FLI1: variants seen among roughly 807,000 people sequenced by gnomAD.
The protein encoded by FLI1 is Friend leukemia integration 1 transcription factor.
A neutral mutation model predicts 53.1 loss-of-function variants in FLI1; 13 were observed. That is an observed-to-expected ratio of 0.24 (90% CI 0.16 to 0.39). The LOEUF is 0.39. FLI1 is among the 10% of genes least tolerant of loss of function. The probability of loss-of-function intolerance (pLI) is 1.00; values close to 1 mark genes in which losing one functional copy is unlikely to be tolerated. For missense variants in FLI1, 424 were observed against 600.5 expected, an observed-to-expected ratio of 0.71 and a Z score of 3.07; for synonymous variants, 244 against 236.7, an observed-to-expected ratio of 1.03 and a Z score of -0.28.
Position 128,702,001 on chromosome 11 carries a change from T to A in FLI1, c.18+7725T>A, listed in dbSNP as rs559521037. Among the ~76,000 whole-genome samples the A allele has an allele frequency of 6.6e-5, 10 of 152,332 alleles. No homozygotes were observed. In the East Asian group the frequency reaches 1.7e-3, roughly 26 times the overall value. On this transcript the variant is annotated intron_variant, in intron 1 of 8. Coordinates refer to ENST00000527786, the MANE Select transcript of FLI1 (RefSeq NM_002017.5). Reference sequence around the variant, plus strand: ...TGCAGTACCATTCATGTAGCAAAAGTGTGAAAACAAACAGGTTAATATTAG... The same window carrying A: ...TGCAGTACCATTCATGTAGCAAAAGAGTGAAAACAAACAGGTTAATATTAG...
At chr11:128,724,598 C>A (rs892070570) in intron 1 of FLI1, among the ~76,000 whole-genome samples, 2 of 152,174 alleles carry the variant, frequency 1.3e-5, no homozygotes, top group African/African-American at 2.4e-5. Flanking sequence ...AAAGAAAAAT[C>A]TATCCCAAGC....
rs192327110 is a variant in FLI1 at position 128,781,158 on chromosome 11, C to G, written c.590-800C>G. Among the ~76,000 whole-genome samples the G allele has an allele frequency of 1.9e-4, 29 of 152,334 alleles. No individual in the cohort carries two copies. The East Asian group carries it at 5.4e-3, about 28-fold the overall frequency. ...ATTACAGAAAATTCAACGCGTGACT[C>G]CTCAGGTTCAGTGCGTGCTCTTAGA... is the stretch of plus-strand genomic sequence containing the variant. On this transcript the variant is annotated intron_variant, in intron 4 of 8. Coordinates refer to ENST00000527786, the MANE Select transcript of FLI1 (RefSeq NM_002017.5).
At chr11:128,711,187 A>G (rs1261772641) in intron 1 of FLI1, among the ~76,000 whole-genome samples, 7 of 152,216 alleles carry the variant, frequency 4.6e-5, no homozygotes, top group Non-Finnish European at 1.0e-4. Context: ...TGATTAATCT[A>G]ATTAATTAAA....
chr11:128,799,052 A>ATTATTATTATTATTATTT (rs1555125698), intron 5 of FLI1, among the ~76,000 whole-genome samples: 9 of 140,444 alleles, frequency 6.4e-5, no homozygotes, highest in Non-Finnish European at 1.4e-4. Context: ...TATTATTATT[A>ATTATTATTATTATTATTT]TTTTGCTTTG....
chr11:128,799,201 C>T (rs998572543), intron 5 of FLI1, among the ~76,000 whole-genome samples: 1 of 151,932 alleles, frequency 6.6e-6, no homozygotes, highest in Non-Finnish European at 1.5e-5. Flanking sequence ...TGAGCCACCA[C>T]ACCCAGCCTG....
At chr11:128,805,764 T>C (rs1346561707) in intron 6 of FLI1, 3 of 228,552 alleles carry the variant, frequency 1.3e-5, no homozygotes, top group Non-Finnish European at 2.5e-5. Flanking sequence ...AATGACTCTC[T>C]ATAATTTTGC....
intron 5 of FLI1, among the ~76,000 whole-genome samples, chr11:128,784,251 C>T (rs1237069811): frequency 1.9e-5 from 2 of 107,986 alleles, no homozygotes; most frequent in East Asian, 7.1e-4. Flanking sequence ...CCTCCTCCTC[C>T]TCCTCCTCCT....
upstream of FLI1, among the ~76,000 whole-genome samples, chr11:128,685,363 G>A (rs1047965572): frequency 7.2e-5 from 11 of 152,206 alleles, no homozygotes; most frequent in African/African-American, 2.4e-4. Context: ...AGCAGGAAAG[G>A]GTGCCTAAGG....
chr11:128,761,642 C>T (rs1288698634), intron 2 of FLI1, among the ~76,000 whole-genome samples: 21 of 152,072 alleles, frequency 1.4e-4, no homozygotes, highest in African/African-American at 5.1e-4. Context: ...AAGTATGCTG[C>T]TCACCACTCC....
rs768437980 is a variant in FLI1, at chr11:128,712,500, G to A, written c.18+18224G>A. Among the ~76,000 whole-genome samples, 15 of 152,196 alleles carry A rather than the reference G, an allele frequency of 9.9e-5. 1 individual carries two copies. The South Asian group carries it at 1.7e-3, about 17-fold the overall frequency. On this transcript the variant is annotated intron_variant, in intron 1 of 8. Transcript: ENST00000527786. ...TCACATTGCTGGTAAAGATATACCC[G>A]AGATGGGGCAATTTATAAAAGAAAG...
intron 1 of FLI1, 23 bp from the exon 2 acceptor site, chr11:128,758,092 C>T (rs766451259): frequency 5.0e-6 from 8 of 1,596,598 alleles, no homozygotes; most frequent in Non-Finnish European, 6.8e-6. Flanking sequence ...ACTGGGCTTT[C>T]TGTCTCTTCT....
intron 1 of FLI1, among the ~76,000 whole-genome samples, chr11:128,755,125 G>A (rs1165753652): frequency 6.6e-6 from 1 of 152,112 alleles, no homozygotes; most frequent in East Asian, 1.9e-4. Context: ...CCTTGGCCAG[G>A]ACAATCCTGT....
chr11:128,692,091 T>A (rs1443639923), upstream of FLI1: 1 of 152,134 alleles, frequency 6.6e-6, no homozygotes, highest in African/African-American at 2.4e-5. Context: ...CTGAAAGCTC[T>A]GTTGTAGTTT....
intron 5 of FLI1, among the ~76,000 whole-genome samples, chr11:128,790,978 G>A (rs1047727370): frequency 5.3e-5 from 8 of 152,006 alleles, no homozygotes; most frequent in African/African-American, 1.9e-4. Flanking sequence ...GTTCAAAGGA[G>A]CCTGTCTTCT....
chr11:128,746,341 G>A (rs950060298), intron 1 of FLI1, among the ~76,000 whole-genome samples: 3 of 152,068 alleles, frequency 2.0e-5, no homozygotes, highest in Admixed American at 6.5e-5. Flanking sequence ...CCCAGGAATC[G>A]AAGAGACAAC....
intron 1 of FLI1, among the ~76,000 whole-genome samples, chr11:128,725,954 G>A (rs1016429487): frequency 2.6e-5 from 4 of 152,208 alleles, no homozygotes; most frequent in Non-Finnish European, 5.9e-5. Context: ...AGGCAGAAGA[G>A]AAGCCGGAGG....
At chr11:128,716,922 G>A (rs1217775457) in intron 1 of FLI1, among the ~76,000 whole-genome samples, 1 of 152,190 alleles carries the variant, frequency 6.6e-6, no homozygotes, top group Non-Finnish European at 1.5e-5. Context: ...GGCAGGGCAT[G>A]CTCGTCACTG....
chr11:128,801,540 T>C (rs1462175975), intron 5 of FLI1, among the ~76,000 whole-genome samples: 1 of 152,254 alleles, frequency 6.6e-6, no homozygotes. Context: ...TTTTAGCCTA[T>C]GCCTCATACA....
At chr11:128,734,055 G>T (rs1181290408) in intron 1 of FLI1, among the ~76,000 whole-genome samples, 2 of 152,248 alleles carry the variant, frequency 1.3e-5, no homozygotes, top group Non-Finnish European at 1.5e-5. Flanking sequence ...GCGCCCAGGG[G>T]CTCCGAGGCC....
Sources: allele counts gnomAD v4.1 joint callset (sites outside exome capture counted in the v4.1 genomes callset), GRCh38; gene constraint gnomAD v4.1.1; transcripts MANE v1.5; gene names NCBI Gene and HGNC (gene_info 2026-07-23, HGNC 2026-07-21).